GPBP1: variants seen among roughly 807,000 people sequenced by gnomAD.
The protein encoded by GPBP1 is GC-rich promoter binding protein 1, also known as vasculin.
Under a neutral mutation model 56.5 loss-of-function variants are expected in GPBP1, and 13 were observed. The observed-to-expected ratio is 0.23, with a 90% CI of 0.15 to 0.37. The LOEUF is 0.37. GPBP1 is among the 10% of genes least tolerant of loss of function. The pLI is 1.00. For synonymous variants in GPBP1, 204 were observed against 188.9 expected (o/e 1.08, Z -0.66); for missense variants, 477 against 572.3 (o/e 0.83, Z 1.70).
At chr5:57,190,797 C>T (rs1049247273) in intron 2 of GPBP1, among the ~76,000 whole-genome samples, 2 of 146,816 alleles carry the variant, frequency 1.4e-5, no homozygotes, top group African/African-American at 2.5e-5. Context: ...GCCTTGACCT[C>T]CTGGGCTCAA....
intron 11 of GPBP1, 38 bp downstream of exon 11, chr5:57,261,320 T>G (rs1328766276): frequency 9.0e-7 from 1 of 1,110,944 alleles, no homozygotes; most frequent in Non-Finnish European, 1.4e-6. Context: ...ACTTTTAAAC[T>G]GCCCTTATTT....
rs563042936 is a variant in GPBP1, at chr5:57,236,303, G to A, written c.478+271G>A. Among the ~76,000 whole-genome samples the A allele has an allele frequency of 6.6e-5, 10 of 152,238 alleles. No individual in the cohort carries two copies. In the South Asian group the frequency reaches 2.1e-3, roughly 32 times the overall value. ...TTAAATGATAATAAGTTAGTGTAAT[G>A]AATTGATACCATTTTGAGAGCAGCT... On this transcript the variant is annotated intron_variant, in intron 6 of 11. Coordinates refer to ENST00000506184, the MANE Select transcript of GPBP1 (RefSeq NM_022913.4).
At chr5:57,224,246 C>CT (rs1234096946) in intron 3 of GPBP1, among the ~76,000 whole-genome samples, 5,333 of 139,468 alleles carry the variant, frequency 0.038, 104 homozygotes, top group South Asian at 0.051. Flanking sequence ...TCCTGATCCT[C>CT]TTTTTTTTTT....
chr5:57,213,247 C>T (rs1357085088), intron 2 of GPBP1, among the ~76,000 whole-genome samples: 1 of 151,948 alleles, frequency 6.6e-6, no homozygotes, highest in Admixed American at 6.6e-5. Flanking sequence ...GATGGGGTTT[C>T]ACCATGTTGG....
intron 10 of GPBP1, among the ~76,000 whole-genome samples, chr5:57,254,421 G>A (rs1448436840): frequency 1.3e-5 from 2 of 152,154 alleles, no homozygotes; most frequent in Non-Finnish European, 2.9e-5. Flanking sequence ...TAGGCTGGGC[G>A]TTGTGGCTCA....
rs187575856 is a variant in GPBP1, at chr5:57,212,032, G to T, written c.-57-2042G>T. On this transcript the variant is annotated intron_variant, in intron 2 of 11. Coordinates refer to ENST00000506184, the MANE Select transcript of GPBP1 (RefSeq NM_022913.4). ...GCTCACTGCAACCTCCACTTCCCAG[G>T]TTCAAGCGATTTTCCTGCGTCAGCC... Among the ~76,000 whole-genome samples, 28 of 152,082 alleles carry T rather than the reference G, an allele frequency of 1.8e-4. No individual in the cohort carries two copies. In the East Asian group the frequency reaches 5.2e-3, roughly 28 times the overall value.
chr5:57,244,968 C>T (rs561494679), intron 6 of GPBP1, among the ~76,000 whole-genome samples: 1 of 152,134 alleles, frequency 6.6e-6, no homozygotes, highest in Non-Finnish European at 1.5e-5. Context: ...GAGCTCCGGA[C>T]CTCATGGTCT....
intron 2 of GPBP1, among the ~76,000 whole-genome samples, chr5:57,199,816 C>A (rs150813153): frequency 6.0e-4 from 92 of 152,094 alleles, no homozygotes; most frequent in African/African-American, 2.1e-3. Flanking sequence ...TGTTCAAGAA[C>A]CCCTACTGTC....
At chr5:57,252,114 A>C (rs1364546097) in intron 10 of GPBP1, among the ~76,000 whole-genome samples, 1 of 150,302 alleles carries the variant, frequency 6.7e-6, no homozygotes, top group Non-Finnish European at 1.5e-5. Context: ...TCAGTAGTGC[A>C]ATCACCTCCC....
intron 3 of GPBP1, among the ~76,000 whole-genome samples, chr5:57,214,863 T>C (rs928919510): frequency 2.1e-4 from 32 of 152,190 alleles, no homozygotes; most frequent in Middle Eastern, 3.2e-3. Flanking sequence ...GGTTTTGCCA[T>C]GTTGGCTAGG....
intron 6 of GPBP1, chr5:57,236,903 A>G: frequency 1.9e-6 from 1 of 537,194 alleles, no homozygotes; most frequent in Non-Finnish European, 3.3e-6. Context: ...TCCTAACAGT[A>G]AAGGCATTAT....
chr5:57,198,547 A>G (rs927232154), intron 2 of GPBP1, among the ~76,000 whole-genome samples: 10 of 152,080 alleles, frequency 6.6e-5, no homozygotes, highest in South Asian at 4.1e-4. Flanking sequence ...TTAGTTTTCT[A>G]TAGTTCTTTA....
intron 3 of GPBP1, among the ~76,000 whole-genome samples, chr5:57,230,367 T>C (rs992310655): frequency 5.3e-5 from 8 of 152,232 alleles, no homozygotes; most frequent in Non-Finnish European, 8.8e-5. Flanking sequence ...GGAATACTTA[T>C]TGTACATTCT....
chr5:57,208,324 C>G (rs1264127907), intron 2 of GPBP1, among the ~76,000 whole-genome samples: 2 of 152,168 alleles, frequency 1.3e-5, no homozygotes, highest in East Asian at 3.9e-4. Context: ...ACCTCCACTT[C>G]CCGGGCTCAA....
intron 10 of GPBP1, among the ~76,000 whole-genome samples, chr5:57,253,778 CA>C (rs895171329): frequency 8.1e-5 from 12 of 147,506 alleles, no homozygotes; most frequent in African/African-American, 3.2e-4. Context: ...CCCTTAAAAA[CA>C]AAAAACAAAA....
intron 6 of GPBP1, chr5:57,237,269 G>A: frequency 2.4e-6 from 2 of 834,332 alleles, no homozygotes; most frequent in Non-Finnish European, 2.0e-6. Context: ...TAAGAAATTA[G>A]GAATAATTTG....
At chr5:57,250,219 G>A (rs1741317422) in intron 9 of GPBP1, among the ~76,000 whole-genome samples, 1 of 151,582 alleles carries the variant, frequency 6.6e-6, no homozygotes, top group Non-Finnish European at 1.5e-5. Flanking sequence ...GGCCAGACTG[G>A]TCTTGAACTC....
At chr5:57,207,969 A>G (rs777775501) in intron 2 of GPBP1, among the ~76,000 whole-genome samples, 1 of 151,986 alleles carries the variant, frequency 6.6e-6, no homozygotes, top group Non-Finnish European at 1.5e-5. Flanking sequence ...GTCTCTGCCT[A>G]CTAGAGTCTC....
chr5:57,195,864 G>C (rs1579990636), intron 2 of GPBP1, among the ~76,000 whole-genome samples: 1 of 150,998 alleles, frequency 6.6e-6, no homozygotes, highest in African/African-American at 2.4e-5. Context: ...TTACCTGGGC[G>C]TGGTGGCATG....
Sources: gnomAD v4.1 joint callset for allele counts (sites outside exome capture counted in the v4.1 genomes callset) on GRCh38, gnomAD v4.1.1 for gene constraint, MANE v1.5 for transcripts, NCBI Gene and HGNC (gene_info 2026-07-23, HGNC 2026-07-21) for gene names.